The following STARD9 variants were observed in gnomAD, a reference collection of about 807,000 sequenced individuals.
STARD9 encodes the protein stAR-related lipid transfer protein 9.
A neutral mutation model predicts 399.8 loss-of-function variants in STARD9; 346 were observed. The ratio of observed to expected loss-of-function variants is 0.87; its 90% CI spans 0.79 to 0.95. STARD9 has a LOEUF of 0.95. Among genes scored for constraint, STARD9 ranks in the 40% least tolerant of loss-of-function variants. The probability of loss-of-function intolerance (pLI) is 0.00; values close to 1 mark genes in which losing one functional copy is unlikely to be tolerated. For missense variants in STARD9, 5,832 were observed against 5,667.5 expected, an observed-to-expected ratio of 1.03 and a Z score of -0.93; for synonymous variants, 2,203 against 2,143.5, an observed-to-expected ratio of 1.03 and a Z score of -0.77.
chr15:42,720,566 T>G lies in STARD9; in HGVS notation c.*992T>G, dbSNP rs8028863. On this transcript the variant is annotated 3_prime_UTR_variant, in exon 33 of 33. Transcript: ENST00000290607. ...TGGCCCCACCTATCCTAGGATGGGG[T>G]GGGATGGAGAGTGGGTTCAGTTTTC... 0.053 allele frequency: 8,028 copies of G among 151,906 alleles called. 695 individuals are homozygous for G. The highest frequency in any genetic ancestry group is 0.18 in the African/African-American group (7,628 of 41,344). The allele number at this position is 151,906 out of a possible 1,614,324, so 9.4% of individuals were successfully genotyped here. A position where few individuals can be genotyped will look rare whatever the true frequency, so the allele number is the denominator to read the frequency against.
rs940582821 is a variant in STARD9 at position 42,707,626 on chromosome 15, T to C, written c.13285-9051T>C. On this transcript the variant is annotated intron_variant, in intron 26 of 32. Transcript: ENST00000290607. ...CTGGGACTACAGGTGCCTGCCACCA[T>C]GCCCAGCTTATTTTTTTGTATTTTT... Among the ~76,000 whole-genome samples, 8 of 152,178 alleles carry C rather than the reference T, an allele frequency of 5.3e-5. No homozygotes were observed. In the East Asian group the frequency reaches 1.4e-3, roughly 26 times the overall value.
chr15:42,625,080 A>G (rs1440942780), intron 3 of STARD9, among the ~76,000 whole-genome samples: 1 of 151,948 alleles, frequency 6.6e-6, no homozygotes, highest in Non-Finnish European at 1.5e-5. Context: ...AGGCTGGAGT[A>G]TGGTGGCACA....
intron 26 of STARD9, among the ~76,000 whole-genome samples, chr15:42,716,275 C>T (rs2061347905): frequency 6.6e-6 from 1 of 152,168 alleles, no homozygotes. Flanking sequence ...CCTCCCATCC[C>T]ATCTTCCACA....
At chr15:42,637,849 G>A (rs991210015) in intron 4 of STARD9, 58 bp from the exon 5 acceptor site, 75 of 1,517,008 alleles carry the variant, frequency 4.9e-5, no homozygotes, top group Non-Finnish European at 6.3e-5. Flanking sequence ...TGGGTATTCT[G>A]TGGGGGAGAG....
intron 15 of STARD9, 36 bp from the exon 16 acceptor site, chr15:42,669,122 G>A: frequency 6.7e-7 from 1 of 1,494,316 alleles, no homozygotes; most frequent in Non-Finnish European, 9.0e-7. Flanking sequence ...TGTTCCCCAT[G>A]CTGAGTGTCT....
intron 1 of STARD9, chr15:42,581,313 A>G: frequency 7.9e-7 from 1 of 1,264,900 alleles, no homozygotes; most frequent in Non-Finnish European, 1.2e-6. Context: ...AAGATCCAAC[A>G]GAAACTTTCT....
chr15:42,621,726 A>G (rs538947832), intron 3 of STARD9, among the ~76,000 whole-genome samples: 1 of 152,224 alleles, frequency 6.6e-6, no homozygotes, highest in Non-Finnish European at 1.5e-5. Flanking sequence ...ATCACTATGT[A>G]TGGAGAAACC....
At chr15:42,652,265 A>G (rs1252561360) in intron 8 of STARD9, among the ~76,000 whole-genome samples, 1 of 143,460 alleles carries the variant, frequency 7.0e-6, no homozygotes, top group Admixed American at 6.6e-5. Context: ...TTTTGCTTCT[A>G]TTGCTTAAAA....
intron 3 of STARD9, among the ~76,000 whole-genome samples, chr15:42,607,451 C>T (rs1289410473): frequency 6.6e-6 from 1 of 151,794 alleles, no homozygotes; most frequent in African/African-American, 2.4e-5. Flanking sequence ...GATCTGCCCA[C>T]CTCACCCTCC....
At chr15:42,595,646 G>A (rs2058487398) in intron 3 of STARD9, among the ~76,000 whole-genome samples, 1 of 152,188 alleles carries the variant, frequency 6.6e-6, no homozygotes, top group African/African-American at 2.4e-5. Flanking sequence ...GGGGAGCTGG[G>A]GAGTATGTGG....
At chr15:42,597,091 G>A (rs924210635) in intron 3 of STARD9, among the ~76,000 whole-genome samples, 2 of 152,166 alleles carry the variant, frequency 1.3e-5, no homozygotes, top group Admixed American at 6.5e-5. Context: ...TTGTGTGTGT[G>A]TGTATATATA....
chr15:42,691,470 C>T lies in STARD9; in HGVS notation c.9892C>T (p.Pro3298Ser). 1 of 1,537,216 alleles carries T rather than the reference C, an allele frequency of 6.5e-7. No individual in the cohort carries two copies. The highest frequency in any genetic ancestry group is 8.7e-7 in the Non-Finnish European group (1 of 1,146,894). ...CCACCTCTACACTGGCAGAGAGCAG[C>T]CAGCACCCAACCACAGGGGCTCACT... ...SGHLYTGREQ[P>S]APNHRGSLPV... The change falls in exon 23 of 33, where the codon CCA becomes TCA. Residue 3298 changes from proline (P) to serine (S), a missense_variant. By Grantham distance (74) the Pro-to-Ser change is moderately conservative. This residue lies in a region of STARD9 where 5,828 missense variants were observed against 5,651.1 expected (regional missense o/e 1.03). Coordinates refer to ENST00000290607, the MANE Select transcript of STARD9 (RefSeq NM_020759.3).
chr15:42,674,442 A>T lies in STARD9; in HGVS notation c.1500A>T (p.Glu500Asp). Residue 500 changes from glutamate (E) to aspartate (D), a missense_variant and splice_region_variant, in exon 17 of 33, where the codon GAA becomes GAT. Around this residue, in one of 2 missense-constraint regions of STARD9, gnomAD observed 5,828 missense variants for 5,651.1 expected, o/e 1.03. Transcript: ENST00000290607. Reference sequence around the variant, plus strand: ...AAATGGCTTTTTTCCCCCTTTAGGAAGGGACAACAAAAATAGGAAGGATTG... The same window carrying T: ...AAATGGCTTTTTTCCCCCTTTAGGATGGGACAACAAAAATAGGAAGGATTG... Reference protein sequence around the residue: ...STGVVLYHLKEGTTKIGRIDS... With the variant: ...STGVVLYHLKDGTTKIGRIDS... 1 of 1,537,100 alleles carries T rather than the reference A, an allele frequency of 6.5e-7. No individual in the cohort carries two copies. The highest frequency in any genetic ancestry group is 8.7e-7 in the Non-Finnish European group (1 of 1,146,754).
At chr15:42,613,395 T>C (rs903230191) in intron 3 of STARD9, among the ~76,000 whole-genome samples, 4 of 152,152 alleles carry the variant, frequency 2.6e-5, no homozygotes, top group Non-Finnish European at 5.9e-5. Context: ...CCCTAAACTT[T>C]CATCTTTGGT....
At chr15:42,638,666 T>C in intron 6 of STARD9, 34 bp from the exon 7 acceptor site, 1 of 1,423,766 alleles carries the variant, frequency 7.0e-7, no homozygotes, top group Non-Finnish European at 9.5e-7. Flanking sequence ...TTTTTCAAAA[T>C]ATAATTATGT....
intron 3 of STARD9, among the ~76,000 whole-genome samples, chr15:42,625,645 C>CTCTT (rs757765153): frequency 4.1e-5 from 1 of 24,284 alleles, no homozygotes; most frequent in African/African-American, 1.2e-4. Context: ...TTTCTTCTTC[C>CTCTT]TATTTTTTTT....
At chr15:42,679,849 T>A (rs965958558) in intron 20 of STARD9, among the ~76,000 whole-genome samples, 10 of 152,192 alleles carry the variant, frequency 6.6e-5, no homozygotes, top group African/African-American at 2.4e-4. Flanking sequence ...TTCGTGGACC[T>A]CTTCTGTGAT....
chr15:42,578,172 G>A (rs1358334945), intron 1 of STARD9, among the ~76,000 whole-genome samples: 10 of 150,968 alleles, frequency 6.6e-5, no homozygotes, highest in Non-Finnish European at 1.3e-4. Context: ...GTGCAATGGC[G>A]CGATCTCAGC....
chr15:42,686,390 T>C lies in STARD9; in HGVS notation c.4812T>C (p.Asn1604=). ...CATTGTCTGCTTCTCGATCTACAAA[T>C]GCACAGGTCTTTGCAACAGAGAACG... ...LESLSASRST[N]AQVFATENAI... Residue 1604 remains asparagine (N), a synonymous_variant, in exon 23 of 33, where the codon AAT becomes AAC. Coordinates refer to ENST00000290607, the MANE Select transcript of STARD9 (RefSeq NM_020759.3). 2.0e-6 allele frequency: 3 copies of C among 1,537,666 alleles called. No individual in the cohort carries two copies. The highest frequency in any genetic ancestry group is 1.4e-5 in the African/African-American group (1 of 73,166).
Sources: allele counts gnomAD v4.1 joint callset (sites outside exome capture counted in the v4.1 genomes callset), GRCh38; gene constraint gnomAD v4.1.1; regional missense constraint gnomAD v4.1.1; transcripts MANE v1.5; gene names NCBI Gene and HGNC (gene_info 2026-07-23, HGNC 2026-07-21).